Variants in DPP10 observed in about 807,000 individuals in gnomAD.
DPP10 encodes the protein inactive dipeptidyl peptidase 10.
Under a neutral mutation model 120.9 loss-of-function variants are expected in DPP10, and 33 were observed. The ratio of observed to expected loss-of-function variants is 0.27; its 90% confidence interval spans 0.21 to 0.37. The LOEUF is 0.37. Among genes scored for constraint, DPP10 ranks in the 10% least tolerant of loss-of-function variants. DPP10 has a pLI of 1.00. For synonymous variants in DPP10, 337 were observed against 326.1 expected (o/e 1.03, Z -0.36); for missense variants, 816 against 942.8 (o/e 0.87, Z 1.76).
chr2:115,661,384 G>A (rs369993046), intron 5 of DPP10, among the ~76,000 whole-genome samples: 26 of 152,294 alleles, frequency 1.7e-4, no homozygotes, highest in African/African-American at 5.8e-4. Flanking sequence ...CGGTCACCTA[G>A]ACTACCAATC....
At chr2:114,879,571 A>G (rs1459668381) in intron 1 of DPP10, among the ~76,000 whole-genome samples, 1 of 152,170 alleles carries the variant, frequency 6.6e-6, no homozygotes, top group East Asian at 1.9e-4. Flanking sequence ...CAAAGTGCAA[A>G]TGGGAAAGCT....
chr2:114,796,342 A>G (rs1428071695), intron 1 of DPP10, among the ~76,000 whole-genome samples: 2 of 152,168 alleles, frequency 1.3e-5, no homozygotes, highest in South Asian at 4.1e-4. Flanking sequence ...CAGACAGACA[A>G]TTCATTTTGT....
chr2:114,526,581 GT>G (rs1399562877), intron 1 of DPP10, among the ~76,000 whole-genome samples: 2 of 152,128 alleles, frequency 1.3e-5, no homozygotes, highest in Non-Finnish European at 2.9e-5. Context: ...GAAAAAAACA[GT>G]TATTTCTTGC....
intron 1 of DPP10, among the ~76,000 whole-genome samples, chr2:114,834,208 C>T (rs1247243913): frequency 2.0e-5 from 3 of 149,516 alleles, no homozygotes; most frequent in African/African-American, 7.4e-5. Flanking sequence ...GCCATATCTA[C>T]ACACCTATGT....
chr2:115,476,126 T>A (rs2075060976), intron 3 of DPP10, among the ~76,000 whole-genome samples: 1 of 152,092 alleles, frequency 6.6e-6, no homozygotes, highest in Non-Finnish European at 1.5e-5. Flanking sequence ...TGGCTTGGAT[T>A]TGTGTCCATA....
intron 1 of DPP10, among the ~76,000 whole-genome samples, chr2:115,097,595 A>G (rs2048465617): frequency 6.6e-6 from 1 of 152,196 alleles, no homozygotes. Flanking sequence ...ATACGGCATT[A>G]ATGAAATGTT....
At chr2:115,070,621 A>G in intron 1 of DPP10, among the ~76,000 whole-genome samples, 1 of 152,218 alleles carries the variant, frequency 6.6e-6, no homozygotes, top group East Asian at 1.9e-4. Context: ...CATAGTATTG[A>G]CTATCAAACA....
chr2:115,492,919 CAA>C lies in DPP10; in HGVS notation c.272-6590_272-6589del, dbSNP rs931242148. Among the ~76,000 whole-genome samples, 12 of 152,096 alleles carry C rather than the reference CAA, an allele frequency of 7.9e-5. No homozygotes were observed. In the South Asian group the frequency reaches 8.3e-4, roughly 11 times the overall value. On this transcript the variant is annotated intron_variant, in intron 3 of 25. Coordinates refer to ENST00000410059, the MANE Select transcript of DPP10 (RefSeq NM_020868.6). Reference sequence around the variant, plus strand: ...TACTTTAAAGGTGTTGGGAATTTAACAATGCTTTGAAAAAAGTGAAAAGTTTG... The same window carrying C: ...TACTTTAAAGGTGTTGGGAATTTAACTGCTTTGAAAAAAGTGAAAAGTTTG...
At chr2:115,123,614 A>G (rs1298715279) in intron 1 of DPP10, among the ~76,000 whole-genome samples, 1 of 152,150 alleles carries the variant, frequency 6.6e-6, no homozygotes, top group Non-Finnish European at 1.5e-5. Context: ...CTGATGACAG[A>G]TTCAGCTCTT....
intron 1 of DPP10, among the ~76,000 whole-genome samples, chr2:115,271,804 T>G (rs941533331): frequency 6.6e-6 from 1 of 152,110 alleles, no homozygotes; most frequent in Non-Finnish European, 1.5e-5. Flanking sequence ...TTATTAAAAC[T>G]TGACAAATAT....
At chr2:114,541,893 TTTTTA>T (rs1269164924) in intron 1 of DPP10, among the ~76,000 whole-genome samples, 1 of 152,092 alleles carries the variant, frequency 6.6e-6, no homozygotes, top group Non-Finnish European at 1.5e-5. Flanking sequence ...GGGATTATGG[TTTTTA>T]TTTTAATTTA....
At chr2:115,257,501 G>A (rs2059055679) in intron 1 of DPP10, among the ~76,000 whole-genome samples, 1 of 152,036 alleles carries the variant, frequency 6.6e-6, no homozygotes, top group Non-Finnish European at 1.5e-5. Flanking sequence ...GAGTGAGGGA[G>A]GTGCCACACA....
intron 4 of DPP10, among the ~76,000 whole-genome samples, chr2:115,503,927 T>G (rs1221530610): frequency 6.6e-6 from 1 of 152,102 alleles, no homozygotes; most frequent in Non-Finnish European, 1.5e-5. Context: ...GTGTAGAGTT[T>G]GAGAAACCCT....
chr2:115,817,105 G>A (rs1041472048), intron 21 of DPP10, among the ~76,000 whole-genome samples: 17 of 151,566 alleles, frequency 1.1e-4, no homozygotes, highest in East Asian at 2.0e-4. Context: ...AAAATTACCC[G>A]GGCGTGGTGG....
chr2:114,487,786 C>T (rs915013417), intron 1 of DPP10, among the ~76,000 whole-genome samples: 1 of 152,090 alleles, frequency 6.6e-6, no homozygotes, highest in African/African-American at 2.4e-5. Flanking sequence ...AGGTTTTAGT[C>T]TAGAAAATTA....
intron 5 of DPP10, among the ~76,000 whole-genome samples, chr2:115,601,844 T>G (rs1187910471): frequency 6.6e-6 from 1 of 151,732 alleles, no homozygotes; most frequent in Non-Finnish European, 1.5e-5. Flanking sequence ...TGGCTATTTT[T>G]TTTTTTTTTT....
chr2:114,942,298 CAT>C (rs752991108), intron 1 of DPP10, among the ~76,000 whole-genome samples: 2,521 of 104,504 alleles, frequency 0.024, 43 homozygotes, highest in Middle Eastern at 0.045. Context: ...TATATATATA[CAT>C]ATATATATAT....
chr2:114,547,530 C>T (rs1204898352), intron 1 of DPP10, among the ~76,000 whole-genome samples: 1 of 152,072 alleles, frequency 6.6e-6, no homozygotes, highest in African/African-American at 2.4e-5. Flanking sequence ...GTAGCTGACC[C>T]TAGCTGTACA....
intron 1 of DPP10, among the ~76,000 whole-genome samples, chr2:115,097,188 GTAA>G (rs2048442838): frequency 6.6e-6 from 1 of 151,052 alleles, no homozygotes; most frequent in African/African-American, 2.4e-5. Flanking sequence ...AGTCATAGTA[GTAA>G]TAATAATAAA....
Sources: allele counts gnomAD v4.1 joint callset (sites outside exome capture counted in the v4.1 genomes callset), GRCh38; gene constraint gnomAD v4.1.1; transcripts MANE v1.5; gene names NCBI Gene and HGNC (gene_info 2026-07-23, HGNC 2026-07-21).